The following CNTN4 variants were observed in gnomAD, a reference collection of about 807,000 sequenced individuals.
CNTN4 encodes the protein contactin 4.
A neutral mutation model predicts 122.5 loss-of-function variants in CNTN4; 77 were observed. That is an observed-to-expected ratio of 0.63 (90% CI 0.52 to 0.76). The LOEUF (loss-of-function observed/expected upper bound fraction) is 0.76. Ranked by LOEUF, CNTN4 falls within the 30% of genes least tolerant of loss-of-function variation. The pLI is 0.00. For missense variants in CNTN4, 1,256 were observed against 1,259.1 expected, an observed-to-expected ratio of 1.00 and a Z score of 0.04; for synonymous variants, 512 against 447.0, an observed-to-expected ratio of 1.15 and a Z score of -1.83.
At chr3:2,685,678 C>A (rs930390792) in intron 4 of CNTN4, among the ~76,000 whole-genome samples, 6 of 152,100 alleles carry the variant, frequency 3.9e-5, no homozygotes, top group African/African-American at 1.4e-4. Flanking sequence ...TTTTCTTTTT[C>A]TTAGTGTGTT....
At chr3:2,348,989 C>G (rs187439686) in intron 3 of CNTN4, among the ~76,000 whole-genome samples, 2 of 152,122 alleles carry the variant, frequency 1.3e-5, no homozygotes, top group Non-Finnish European at 2.9e-5. Context: ...AAGTTTAAAT[C>G]TGATGAGCTT....
chr3:2,230,030 T>C (rs549330063), intron 2 of CNTN4, among the ~76,000 whole-genome samples: 10 of 152,242 alleles, frequency 6.6e-5, no homozygotes, highest in Non-Finnish European at 1.5e-4. Flanking sequence ...CTCTGAATGC[T>C]GCTACTGTGG....
At chr3:2,737,215 G>A (rs2089175644) in intron 5 of CNTN4, among the ~76,000 whole-genome samples, 1 of 151,996 alleles carries the variant, frequency 6.6e-6, no homozygotes, top group African/African-American at 2.4e-5. Context: ...TGAGTAGCTG[G>A]GATTATAGGT....
chr3:2,595,133 A>C (rs772892048), intron 4 of CNTN4, among the ~76,000 whole-genome samples: 1 of 152,206 alleles, frequency 6.6e-6, no homozygotes, highest in Non-Finnish European at 1.5e-5. Flanking sequence ...TGAATGTCTT[A>C]AGGTTCCATT....
intron 6 of CNTN4, among the ~76,000 whole-genome samples, chr3:2,759,608 A>C (rs1292486306): frequency 6.6e-6 from 1 of 151,670 alleles, no homozygotes; most frequent in Non-Finnish European, 1.5e-5. Context: ...TTTTGCGGAC[A>C]CATGTATTTT....
At position 2,566,942 on chromosome 3, in the gene CNTN4, A is replaced by C. The variant is rs147335128; in HGVS notation, c.-88-4474A>C. Reference sequence around the variant, plus strand: ...TTGCTAACCAGAGGAGAAAAGCAAAAAAGGTAAAATAGATATTATGTCCTT... The same window carrying C: ...TTGCTAACCAGAGGAGAAAAGCAAACAAGGTAAAATAGATATTATGTCCTT... On this transcript the variant is annotated intron_variant, in intron 3 of 24. Coordinates refer to ENST00000418658, the MANE Select transcript of CNTN4 (RefSeq NM_175607.3). Among the ~76,000 whole-genome samples, 32 of 152,328 alleles carry C rather than the reference A, an allele frequency of 2.1e-4. No individual in the cohort carries two copies. The East Asian group carries it at 5.4e-3, about 26-fold the overall frequency.
chr3:2,170,207 C>G (rs1010309855), intron 2 of CNTN4, among the ~76,000 whole-genome samples: 16 of 151,720 alleles, frequency 1.1e-4, no homozygotes, highest in African/African-American at 2.7e-4. Context: ...GTAGTCCCAG[C>G]TACTCGGGAG....
At chr3:2,759,572 T>C (rs1028762147) in intron 6 of CNTN4, among the ~76,000 whole-genome samples, 1 of 152,218 alleles carries the variant, frequency 6.6e-6, no homozygotes, top group Non-Finnish European at 1.5e-5. Context: ...TGAATAATGC[T>C]GCTATGAACA....
intron 2 of CNTN4, among the ~76,000 whole-genome samples, chr3:2,139,950 TG>T (rs1209284708): frequency 1.3e-5 from 2 of 152,204 alleles, no homozygotes; most frequent in Non-Finnish European, 2.9e-5. Context: ...CCACCTGTCA[TG>T]GGGGGCACCC....
At chr3:2,643,215 C>A (rs1297474328) in intron 4 of CNTN4, among the ~76,000 whole-genome samples, 3 of 152,030 alleles carry the variant, frequency 2.0e-5, no homozygotes, top group African/African-American at 7.2e-5. Flanking sequence ...TCTCTGTCTC[C>A]CAAACTAGAG....
intron 15 of CNTN4, among the ~76,000 whole-genome samples, chr3:3,028,122 C>T (rs1559805784): frequency 6.6e-6 from 1 of 152,182 alleles, no homozygotes; most frequent in Non-Finnish European, 1.5e-5. Context: ...TCAGCTTCGA[C>T]TTCCTGGGTC....
At chr3:2,362,003 C>A (rs1263763582) in intron 3 of CNTN4, among the ~76,000 whole-genome samples, 5 of 152,060 alleles carry the variant, frequency 3.3e-5, no homozygotes, top group African/African-American at 1.2e-4. Flanking sequence ...GGAAAAGTTC[C>A]ATTTAAGTAG....
intron 2 of CNTN4, among the ~76,000 whole-genome samples, chr3:2,124,474 C>CACACA (rs1559265723): frequency 0.023 from 2,526 of 107,528 alleles, 35 homozygotes; most frequent in East Asian, 0.083. Flanking sequence ...ACACACACAC[C>CACACA]CCCTTAAGCA....
At chr3:2,657,714 T>A (rs2083658153) in intron 4 of CNTN4, among the ~76,000 whole-genome samples, 1 of 152,098 alleles carries the variant, frequency 6.6e-6, no homozygotes, top group South Asian at 2.1e-4. Context: ...TGGGTAGAGA[T>A]AGATATTCAA....
At chr3:3,019,782 A>G (rs1398790015) in intron 14 of CNTN4, among the ~76,000 whole-genome samples, 1 of 128,176 alleles carries the variant, frequency 7.8e-6, no homozygotes, top group African/African-American at 3.2e-5. Flanking sequence ...ATATATATAT[A>G]TATATATATA....
intron 24 of CNTN4, among the ~76,000 whole-genome samples, chr3:3,055,519 C>T (rs775283156): frequency 6.6e-6 from 1 of 152,168 alleles, no homozygotes; most frequent in Non-Finnish European, 1.5e-5. Flanking sequence ...TTGATAGCTT[C>T]TTACTATGAA....
chr3:2,403,881 A>G (rs752320210), intron 3 of CNTN4, among the ~76,000 whole-genome samples: 2 of 152,166 alleles, frequency 1.3e-5, no homozygotes, highest in African/African-American at 2.4e-5. Context: ...TTTCTGCTCT[A>G]TCATTATGCT....
intron 2 of CNTN4, among the ~76,000 whole-genome samples, chr3:2,294,783 C>T (rs968631963): frequency 3.3e-5 from 5 of 152,080 alleles, no homozygotes; most frequent in African/African-American, 9.7e-5. Flanking sequence ...CCCATTAACT[C>T]GTCATTTAGC....
rs146120147 is a variant in CNTN4, at chr3:2,175,745, C to T, written c.-145+75106C>T. ...ATAAGTGACTTGGTAAGAGCTCTGG[C>T]TAACTGGTGTGTTGAAAATGTCACA... On this transcript the variant is annotated intron_variant, in intron 2 of 24. Coordinates refer to ENST00000418658, the MANE Select transcript of CNTN4 (RefSeq NM_175607.3). Among the ~76,000 whole-genome samples, 8 of 152,220 alleles carry T rather than the reference C, an allele frequency of 5.3e-5. No homozygotes were observed. The East Asian group carries it at 1.5e-3, about 29-fold the overall frequency.
Sources: allele counts gnomAD v4.1 joint callset (sites outside exome capture counted in the v4.1 genomes callset), GRCh38; gene constraint gnomAD v4.1.1; transcripts MANE v1.5; gene names NCBI Gene and HGNC (gene_info 2026-07-23, HGNC 2026-07-21).